The following EPS8 variants were observed in gnomAD, a reference collection of about 807,000 sequenced individuals.
The protein encoded by EPS8 is epidermal growth factor receptor kinase substrate 8.
In EPS8, 42 loss-of-function variants were observed where a neutral mutation model predicts 103.8. The observed-to-expected ratio is 0.40, with a 90% CI of 0.32 to 0.52. The LOEUF is 0.52. Among genes scored for constraint, EPS8 ranks in the 20% least tolerant of loss-of-function variants. The pLI, the probability that EPS8 is intolerant of heterozygous loss-of-function variation, is 0.40. For missense variants in EPS8, 969 were observed against 1,005.1 expected (o/e 0.96, Z 0.49); for synonymous variants, 344 against 344.6 (o/e 1.00, Z 0.02).
In EPS8 at chr12:15,706,626, CT is replaced by C. The variant is rs1946390659; in HGVS notation, c.-21-23655del. On this transcript the variant is annotated intron_variant, in intron 1 of 20. Transcript: ENST00000281172. The surrounding 1 kb of genome is among the most constrained non-coding windows in gnomAD (Gnocchi z 5.2). ...ATACTTTCTATTGAAGCAAAACACA[CT>C]TTTGTATTTTGCATTTTCTTTCAAA... Among the ~76,000 whole-genome samples the C allele has an allele frequency of 6.6e-6, 1 of 152,272 alleles. No homozygotes were observed. The highest frequency in any genetic ancestry group is 2.1e-4 in the South Asian group (1 of 4,820).
In EPS8 at chr12:15,755,203, G is replaced by A. The variant is rs1038826906; in HGVS notation, c.-22+33958C>T. On this transcript the variant is annotated intron_variant, in intron 1 of 20. Transcript: ENST00000281172. ...AATTCCTTCTGTTTTCAAGTTGTTG[G>A]AAAATCAAGTTCTCCTTGACACTTG... Among the ~76,000 whole-genome samples, 6 of 152,288 alleles carry A rather than the reference G, an allele frequency of 3.9e-5. No homozygotes were observed. In the South Asian group the frequency reaches 1.2e-3, roughly 32 times the overall value.
At chr12:15,742,327 C>A (rs934951153) in intron 1 of EPS8, among the ~76,000 whole-genome samples, 1 of 152,180 alleles carries the variant, frequency 6.6e-6, no homozygotes, top group African/African-American at 2.4e-5. Flanking sequence ...TACGGTCCCA[C>A]CAACAGTGTA....
rs4237955 is a variant in EPS8 at position 15,651,058 on chromosome 12, T to C, written c.1251-52A>G. On this transcript the variant is annotated intron_variant, in intron 13 of 20. Transcript: ENST00000281172. Reference sequence around the variant, plus strand: ...ACAATAAAATCTAGGAATGTATCCATGCTCACAGTTATCTTCAGTAAGGCT... The same window carrying C: ...ACAATAAAATCTAGGAATGTATCCACGCTCACAGTTATCTTCAGTAAGGCT... 0.96 allele frequency: 1,401,351 copies of C among 1,464,994 alleles called. 673,959 individuals carry two copies. Among genetic ancestry groups the C allele is most frequent in the Non-Finnish European group, 0.98 (1,034,740 of 1,060,940 alleles). 90.7% of individuals were successfully genotyped at this position (1,464,994 alleles called of 1,614,324 possible).
Position 15,781,998 on chromosome 12 carries a change from A to G in EPS8, c.-22+7163T>C, listed in dbSNP as rs1255369581. The G allele has an allele frequency of 6.6e-6, 1 of 152,224 alleles. No homozygotes were observed. 9.4% of individuals were successfully genotyped at this position (152,224 alleles called of 1,614,324 possible). A position where few individuals can be genotyped will look rare whatever the true frequency, so the allele number is the denominator to read the frequency against. ...CTCACCTCTCAACACTCTCACATTG[A>G]GGATGAAATTTCAACATGAGTTTTG... On this transcript the variant is annotated intron_variant, in intron 1 of 20. Coordinates refer to ENST00000281172, the MANE Select transcript of EPS8 (RefSeq NM_004447.6). This position sits in a 1 kb window ranked among gnomAD's most constrained non-coding sequence, Gnocchi z 4.1.
chr12:15,692,563 C>T (rs1182563239), intron 1 of EPS8, among the ~76,000 whole-genome samples: 3 of 151,836 alleles, frequency 2.0e-5, no homozygotes, highest in Non-Finnish European at 4.4e-5. Context: ...CACAATAGGC[C>T]TTTTCAAACT....
At chr12:15,720,638 G>A (rs931903974) in intron 1 of EPS8, among the ~76,000 whole-genome samples, 2 of 152,198 alleles carry the variant, frequency 1.3e-5, no homozygotes, top group East Asian at 3.8e-4. Flanking sequence ...GAACGCTTCA[G>A]TGTTGTCTGA....
Position 15,636,636 on chromosome 12 carries a change from T to C in EPS8, c.1821+4067A>G, listed in dbSNP as rs76861927. Among the ~76,000 whole-genome samples the C allele has an allele frequency of 8.5e-3, 1,297 of 152,318 alleles. 25 individuals carry two copies. The highest frequency in any genetic ancestry group is 0.03 in the African/African-American group (1,243 of 41,544). ...CACCCAGAAACTGCCATTATTTATATATATGTCTTTATAGGAAATGTAAGG... is the reference window on the plus strand; with the variant it reads ...CACCCAGAAACTGCCATTATTTATACATATGTCTTTATAGGAAATGTAAGG... On this transcript the variant is annotated intron_variant, in intron 17 of 20. Transcript: ENST00000281172.
chr12:15,712,587 C>T (rs1946479877), intron 1 of EPS8, among the ~76,000 whole-genome samples: 1 of 152,106 alleles, frequency 6.6e-6, no homozygotes. Flanking sequence ...AATACCATGA[C>T]CTAAAGGAAA....
chr12:15,628,008 T>C (rs1944978363), intron 18 of EPS8, among the ~76,000 whole-genome samples: 1 of 151,220 alleles, frequency 6.6e-6, no homozygotes, highest in Non-Finnish European at 1.5e-5. Flanking sequence ...TGTGAATAGT[T>C]AGTGTTATTT....
chr12:15,631,316 G>C, intron 18 of EPS8, 126 bp downstream of exon 18: 1 of 1,338,140 alleles, frequency 7.5e-7, no homozygotes, highest in Non-Finnish European at 1.0e-6. Flanking sequence ...GAAAATCTTT[G>C]CAATCTATTA....
chr12:15,667,562 G>A (rs983318466), intron 6 of EPS8, among the ~76,000 whole-genome samples: 2 of 151,960 alleles, frequency 1.3e-5, no homozygotes, highest in African/African-American at 4.8e-5. Context: ...AACCCAAAAT[G>A]AAAACTGAAG....
At chr12:15,692,143 C>A (rs756762383) in intron 1 of EPS8, among the ~76,000 whole-genome samples, 28 of 152,174 alleles carry the variant, frequency 1.8e-4, no homozygotes, top group Non-Finnish European at 8.8e-5. Context: ...GGACCTCCCT[C>A]TTTCCATGCT....
rs1002206336 is a variant in EPS8 at position 15,781,422 on chromosome 12, A to G, written c.-22+7739T>C. ...GAGTCAGGTCAGGGTTCTCATCCCA[A>G]TTCGGTCCCTTTCTCCCCATGTGTG... On this transcript the variant is annotated intron_variant, in intron 1 of 20. Coordinates refer to ENST00000281172, the MANE Select transcript of EPS8 (RefSeq NM_004447.6). This position sits in a 1 kb window ranked among gnomAD's most constrained non-coding sequence, Gnocchi z 4.1. Among the ~76,000 whole-genome samples the G allele has an allele frequency of 2.0e-5, 3 of 152,278 alleles. No individual in the cohort carries two copies. The highest frequency in any genetic ancestry group is 7.2e-5 in the African/African-American group (3 of 41,554).
intron 1 of EPS8, among the ~76,000 whole-genome samples, chr12:15,709,910 T>C (rs1417149245): frequency 6.6e-6 from 1 of 152,232 alleles, no homozygotes; most frequent in Non-Finnish European, 1.5e-5. Flanking sequence ...ACACGTAACC[T>C]AGATCCCTCA....
At position 15,690,555 on chromosome 12, in the gene EPS8, A is replaced by G. The variant is rs968887462; in HGVS notation, c.-21-7583T>C. ...AGGGAACACAGAGGTATTATATCTT[A>G]TCAAGGATTATCCATTGTTTCAATT... On this transcript the variant is annotated intron_variant, in intron 1 of 20. Coordinates refer to ENST00000281172, the MANE Select transcript of EPS8 (RefSeq NM_004447.6). This position sits in a 1 kb window ranked among gnomAD's most constrained non-coding sequence, Gnocchi z 4.7. 2.0e-5 allele frequency among the ~76,000 whole-genome samples: 3 copies of G among 152,208 alleles called. No individual in the cohort carries two copies. Among genetic ancestry groups the G allele is most frequent in the Admixed American group, 2.0e-4 (3 of 15,282 alleles).
chr12:15,782,169 T>C (rs997255014), intron 1 of EPS8: 7 of 152,066 alleles, frequency 4.6e-5, no homozygotes, highest in Admixed American at 4.6e-4. Context: ...TAAATATATT[T>C]GGAAAAATTT....
In EPS8 at chr12:15,622,500, CA is replaced by C. The variant is rs1944875896; in HGVS notation, c.2355+657del. On this transcript the variant is annotated intron_variant, in intron 20 of 20. Transcript: ENST00000281172. The stretch of plus-strand genomic sequence containing the variant: ...TTCATTTGAGTCCAAGTATAATTTT[CA>C]TGAAACTATTAAGAGCTGTGAGATG... Among the ~76,000 whole-genome samples the C allele has an allele frequency of 2.0e-5, 3 of 152,254 alleles. No individual in the cohort carries two copies. The South Asian group carries it at 6.2e-4, about 32-fold the overall frequency.
At chr12:15,715,442 G>C (rs1360213337) in intron 1 of EPS8, among the ~76,000 whole-genome samples, 1 of 130,372 alleles carries the variant, frequency 7.7e-6, no homozygotes, top group Admixed American at 1.1e-4. Context: ...GCCCAGGCTG[G>C]AGTGTGCAGT....
At chr12:15,755,767 T>G (rs1232876090) in intron 1 of EPS8, among the ~76,000 whole-genome samples, 1 of 152,138 alleles carries the variant, frequency 6.6e-6, no homozygotes, top group Middle Eastern at 3.2e-3. Flanking sequence ...CATTCAAAAG[T>G]CTTCCCCCAA....
Sources: allele counts gnomAD v4.1 joint callset (sites outside exome capture counted in the v4.1 genomes callset), GRCh38; gene constraint gnomAD v4.1.1; non-coding constraint Gnocchi (gnomAD v3.1); transcripts MANE v1.5; gene names NCBI Gene and HGNC (gene_info 2026-07-23, HGNC 2026-07-21).